BCR: variants seen among roughly 807,000 people sequenced by gnomAD.
BCR encodes BCR activator of RhoGEF and GTPase, also known as breakpoint cluster region protein.
Under a neutral mutation model 138.6 loss-of-function variants are expected in BCR, and 58 were observed. The observed-to-expected ratio is 0.42, with a 90% CI of 0.34 to 0.52. BCR has a LOEUF of 0.52. Among genes scored for constraint, BCR ranks in the 20% least tolerant of loss-of-function variants. BCR has a pLI of 0.06. For missense variants in BCR, 1,599 were observed against 1,727.2 expected (o/e 0.93, Z 1.32); for synonymous variants, 786 against 730.1 (o/e 1.08, Z -1.23).
rs75879608 is a variant in BCR at position 23,226,917 on chromosome 22, T to G, written c.1280-26882T>G. ...GCCAGAAGTCCTATAGGTTTGGGTT[T>G]GGGGGAGATTGAAGTTAGACTTGCT... On this transcript the variant is annotated intron_variant, in intron 1 of 22. Transcript: ENST00000305877. 8.5e-3 allele frequency among the ~76,000 whole-genome samples: 1,299 copies of G among 152,214 alleles called. 17 individuals are homozygous for G. The highest frequency in any genetic ancestry group is 0.03 in the African/African-American group (1,241 of 41,510).
intron 1 of BCR, among the ~76,000 whole-genome samples, chr22:23,208,797 G>A (rs892609692): frequency 1.3e-5 from 2 of 152,160 alleles, no homozygotes; most frequent in East Asian, 3.9e-4. Context: ...GGAGGTTGCA[G>A]CGAACTGAGA....
chr22:23,250,224 A>ACCTT (rs2073208782), intron 1 of BCR, among the ~76,000 whole-genome samples: 1 of 152,016 alleles, frequency 6.6e-6, no homozygotes, highest in African/African-American at 2.4e-5. Context: ...TGTTGACTTG[A>ACCTT]CCTTACACGG....
chr22:23,282,228 G>A (rs538545032), intron 8 of BCR, among the ~76,000 whole-genome samples: 81 of 152,342 alleles, frequency 5.3e-4, no homozygotes, highest in South Asian at 2.9e-3. Flanking sequence ...TGGGTTACCC[G>A]GCTTCAGCGC....
intron 2 of BCR, among the ~76,000 whole-genome samples, chr22:23,258,377 G>C (rs570204461): frequency 2.1e-4 from 32 of 152,316 alleles, no homozygotes; most frequent in African/African-American, 2.6e-4. Context: ...GCTCAGGGCC[G>C]GAGGGCATTT....
intron 1 of BCR, among the ~76,000 whole-genome samples, chr22:23,193,013 G>C (rs1288366489): frequency 1.3e-5 from 2 of 152,212 alleles, no homozygotes; most frequent in African/African-American, 2.4e-5. Flanking sequence ...GCCACAGAGA[G>C]AGAGAGCCAG....
In BCR at chr22:23,296,141, G is replaced by A. The variant is rs1033493874; in HGVS notation, c.3012+986G>A. Among the ~76,000 whole-genome samples, 6 of 152,010 alleles carry A rather than the reference G, an allele frequency of 3.9e-5. No individual in the cohort carries two copies. The East Asian group carries it at 5.8e-4, about 15-fold the overall frequency. On this transcript the variant is annotated intron_variant, in intron 16 of 22. Coordinates refer to ENST00000305877, the MANE Select transcript of BCR (RefSeq NM_004327.4). ...TGTAATCCCAGCACTTTGGGAGGCC[G>A]AGGTGGGCGGATCACGAGGTCAGGA...
At chr22:23,288,760 C>G (rs2146304960) in intron 12 of BCR, among the ~76,000 whole-genome samples, 1 of 152,324 alleles carries the variant, frequency 6.6e-6, no homozygotes, top group Non-Finnish European at 1.5e-5. Flanking sequence ...TGGGGCAGCC[C>G]CTTCCTTCTC....
intron 16 of BCR, 80 bp downstream of exon 16, chr22:23,295,235 C>A: frequency 5.1e-6 from 5 of 977,848 alleles, no homozygotes; most frequent in Non-Finnish European, 6.0e-6. Flanking sequence ...CTGAGATGGT[C>A]ATGGCCTTGC....
At chr22:23,312,032 C>T (rs1243120278) in intron 19 of BCR, 196 bp downstream of exon 19, 13 of 1,110,802 alleles carry the variant, frequency 1.2e-5, no homozygotes, top group Non-Finnish European at 1.6e-5. Flanking sequence ...TTAAACCATC[C>T]TAGCCATGCA....
chr22:23,252,172 G>A (rs906470852), intron 1 of BCR, among the ~76,000 whole-genome samples: 1 of 152,194 alleles, frequency 6.6e-6, no homozygotes, highest in African/African-American at 2.4e-5. Context: ...CTGCTGGAAG[G>A]TGGTCTATGA....
chr22:23,227,345 G>A (rs983196350), intron 1 of BCR, among the ~76,000 whole-genome samples: 1 of 152,192 alleles, frequency 6.6e-6, no homozygotes, highest in African/African-American at 2.4e-5. Context: ...AGGCTCCAAA[G>A]ATATATCTTT....
At chr22:23,186,191 C>G (rs1049399653) in intron 1 of BCR, among the ~76,000 whole-genome samples, 1 of 152,208 alleles carries the variant, frequency 6.6e-6, no homozygotes, top group Non-Finnish European at 1.5e-5. Context: ...AGAGAGTAGC[C>G]GTTTGCCCTA....
chr22:23,304,082 C>A (rs961765422), intron 16 of BCR, among the ~76,000 whole-genome samples: 1 of 149,042 alleles, frequency 6.7e-6, no homozygotes, highest in Non-Finnish European at 1.5e-5. Context: ...CACAGGCATG[C>A]GCCACCATGC....
intron 4 of BCR, chr22:23,263,686 C>G (rs2073400104): frequency 1.4e-6 from 2 of 1,411,010 alleles, no homozygotes; most frequent in Non-Finnish European, 2.0e-6. Context: ...TGGTAAGATT[C>G]ACAGCACCTT....
At chr22:23,193,107 T>G (rs2072435441) in intron 1 of BCR, among the ~76,000 whole-genome samples, 1 of 152,202 alleles carries the variant, frequency 6.6e-6, no homozygotes, top group Non-Finnish European at 1.5e-5. Flanking sequence ...AAGATTCACT[T>G]CACTTTAAAG....
At chr22:23,273,403 T>G (rs2073532161) in intron 7 of BCR, among the ~76,000 whole-genome samples, 1 of 152,226 alleles carries the variant, frequency 6.6e-6, no homozygotes, top group East Asian at 1.9e-4. Context: ...GGAGTCCTTC[T>G]TGGCCATGTG....
intron 10 of BCR, among the ~76,000 whole-genome samples, chr22:23,286,562 C>T (rs1404365613): frequency 6.6e-6 from 1 of 152,166 alleles, no homozygotes; most frequent in Non-Finnish European, 1.5e-5. Context: ...GTTACTGTTG[C>T]ATTCTCCATG....
At chr22:23,250,818 G>A (rs1397646549) in intron 1 of BCR, among the ~76,000 whole-genome samples, 2 of 152,174 alleles carry the variant, frequency 1.3e-5, no homozygotes, top group East Asian at 1.9e-4. Flanking sequence ...GCGAGTCAAC[G>A]TCTCTGTTAA....
chr22:23,238,923 C>G (rs940276800), intron 1 of BCR, among the ~76,000 whole-genome samples: 1 of 151,818 alleles, frequency 6.6e-6, no homozygotes, highest in Non-Finnish European at 1.5e-5. Flanking sequence ...TGTCCTCTGT[C>G]GGGTCGGGTC....
Sources: gnomAD v4.1 joint callset for allele counts (sites outside exome capture counted in the v4.1 genomes callset) on GRCh38, gnomAD v4.1.1 for gene constraint, MANE v1.5 for transcripts, NCBI Gene and HGNC (gene_info 2026-07-23, HGNC 2026-07-21) for gene names.